BCO1: variants seen among roughly 807,000 people sequenced by gnomAD.
BCO1 encodes the protein beta-carotene oxygenase 1, also known as beta,beta-carotene 15,15'-dioxygenase.
A neutral mutation model predicts 56.3 loss-of-function variants in BCO1; 54 were observed. That is an observed-to-expected ratio of 0.96 (90% CI 0.77 to 1.20). The LOEUF is 1.20. Ranked by LOEUF, BCO1 falls within the 50% of genes most tolerant of loss-of-function variation. The probability of loss-of-function intolerance (pLI) is 0.00; values close to 1 mark genes in which losing one functional copy is unlikely to be tolerated. For synonymous variants in BCO1, 318 were observed against 266.1 expected (o/e 1.20, Z -1.90); for missense variants, 801 against 690.9 (o/e 1.16, Z -1.79).
chr16:81,279,504 A>AG (rs1907744758), intron 7 of BCO1, among the ~76,000 whole-genome samples: 2 of 152,228 alleles, frequency 1.3e-5, no homozygotes, highest in South Asian at 4.1e-4. Flanking sequence ...CAATAGAAGC[A>AG]GCTGACATTC....
chr16:81,265,006 T>C (rs537012851), intron 5 of BCO1, among the ~76,000 whole-genome samples: 8 of 152,308 alleles, frequency 5.3e-5, no homozygotes, highest in Admixed American at 2.0e-4. Context: ...AATTTCCTTT[T>C]ATTTAGGCTC....
At chr16:81,247,772 C>T (rs1212352257) in intron 2 of BCO1, among the ~76,000 whole-genome samples, 4 of 152,160 alleles carry the variant, frequency 2.6e-5, no homozygotes, top group Admixed American at 6.5e-5. Flanking sequence ...GTGATCTGCC[C>T]ACCTCGGCCT....
Position 81,290,595 on chromosome 16 carries a change from T to G in BCO1, c.*18T>G, listed in dbSNP as rs201532313. 146 of 1,598,640 alleles carry G rather than the reference T, an allele frequency of 9.1e-5. No individual in the cohort carries two copies. Among genetic ancestry groups the G allele is most frequent in the Non-Finnish European group, 1.1e-4 (128 of 1,169,486 alleles). Reference sequence around the variant, plus strand: ...TGACCTGATGGTGTTGGGGTTTGGGTAGGGGAGGGGAGCTCGGCTGTCAGA... The same window carrying G: ...TGACCTGATGGTGTTGGGGTTTGGGGAGGGGAGGGGAGCTCGGCTGTCAGA... On this transcript the variant is annotated 3_prime_UTR_variant, in exon 11 of 11. Coordinates refer to ENST00000258168, the MANE Select transcript of BCO1 (RefSeq NM_017429.3).
intron 7 of BCO1, among the ~76,000 whole-genome samples, 156 bp from the exon 8 acceptor site, chr16:81,280,701 G>C (rs1907828741): frequency 1.3e-5 from 2 of 152,124 alleles, no homozygotes; most frequent in South Asian, 4.1e-4. Context: ...CTGAGACTAA[G>C]GATAACAACA....
At chr16:81,257,052 T>G (rs975352656) in intron 2 of BCO1, among the ~76,000 whole-genome samples, 10 of 152,110 alleles carry the variant, frequency 6.6e-5, no homozygotes, top group Admixed American at 2.0e-4. Flanking sequence ...CTCCAGGCCT[T>G]TGCTTACAGA....
chr16:81,260,332 T>C (rs1906407123), intron 3 of BCO1, among the ~76,000 whole-genome samples: 1 of 148,088 alleles, frequency 6.8e-6, no homozygotes, highest in Non-Finnish European at 1.5e-5. Flanking sequence ...AAGGAAGGTG[T>C]AGAAAGAGCA....
At chr16:81,273,944 C>T (rs1907395145) in intron 7 of BCO1, among the ~76,000 whole-genome samples, 1 of 152,190 alleles carries the variant, frequency 6.6e-6, no homozygotes, top group African/African-American at 2.4e-5. Flanking sequence ...TGATTTTCTC[C>T]CCTATGTGAC....
Position 81,262,256 on chromosome 16 carries a change from C to T in BCO1, c.444C>T (p.Asn148=). 1 of 1,613,600 alleles carries T rather than the reference C, an allele frequency of 6.2e-7. No individual in the cohort carries two copies. Among genetic ancestry groups the T allele is most frequent in the Non-Finnish European group, 8.5e-7 (1 of 1,179,622 alleles). The change falls in exon 4 of 11, where the codon AAC becomes AAT. Residue 148 remains asparagine (N), a synonymous_variant. Transcript: ENST00000258168. ...AGACCAATTACATCAGGAAAATCAA[C>T]CCACAGACTCTGGAAACCCTGGAGA... ...TSETNYIRKI[N]PQTLETLEKV... is the part of the protein sequence containing the mutation.
At chr16:81,261,430 C>T (rs1906474680) in intron 3 of BCO1, among the ~76,000 whole-genome samples, 1 of 152,062 alleles carries the variant, frequency 6.6e-6, no homozygotes, top group African/African-American at 2.4e-5. Context: ...TCGAGATAAC[C>T]AGTGTGGACT....
chr16:81,262,085 C>T (rs760677900), intron 3 of BCO1, 51 bp from the exon 4 acceptor site: 16 of 1,601,750 alleles, frequency 1.0e-5, no homozygotes, highest in Non-Finnish European at 1.4e-5. Context: ...ATAGACTTCT[C>T]TGGCTGGGTG....
rs1297826513 is a variant in BCO1 at position 81,270,682 on chromosome 16, C to CTTTCTGTG, written c.1101+267_1101+268insTTCTGTGT. Reference sequence around the variant, plus strand: ...TATATATGTTTGTCTCCCAGTCTCTCTCTCTGTGTCTGTGTGTGTGTGTGT... The same window carrying CTTTCTGTG: ...TATATATGTTTGTCTCCCAGTCTCTCTTTCTGTGTCTCTGTGTCTGTGTGTGTGTGTGT... On this transcript the variant is annotated intron_variant, in intron 7 of 10. Coordinates refer to ENST00000258168, the MANE Select transcript of BCO1 (RefSeq NM_017429.3). Among the ~76,000 whole-genome samples the CTTTCTGTG allele has an allele frequency of 6.7e-3, 542 of 80,910 alleles. 12 individuals carry two copies. In the South Asian group the frequency reaches 0.12, roughly 19 times the overall value. The allele number at this position is 80,910 out of a possible 152,430, so 53.1% of individuals were successfully genotyped here.
At chr16:81,257,811 C>G (rs1354922418) in intron 2 of BCO1, among the ~76,000 whole-genome samples, 5 of 150,134 alleles carry the variant, frequency 3.3e-5, no homozygotes, top group Non-Finnish European at 7.4e-5. Flanking sequence ...ACCAGAGAGG[C>G]TGAGCTTGCA....
chr16:81,277,372 C>T (rs1907620981), intron 7 of BCO1, among the ~76,000 whole-genome samples: 1 of 152,104 alleles, frequency 6.6e-6, no homozygotes, highest in African/African-American at 2.4e-5. Context: ...AGTAACTTGC[C>T]CAACTTTTTA....
At chr16:81,240,263 C>G (rs1443052003) in intron 1 of BCO1, among the ~76,000 whole-genome samples, 1 of 152,030 alleles carries the variant, frequency 6.6e-6, no homozygotes, top group Non-Finnish European at 1.5e-5. Flanking sequence ...ATATTTGGGT[C>G]TATTTCCTTT....
chr16:81,271,824 A>G (rs1027439629), intron 7 of BCO1, among the ~76,000 whole-genome samples: 1 of 151,986 alleles, frequency 6.6e-6, no homozygotes, highest in African/African-American at 2.4e-5. Flanking sequence ...ATCTCGGCTC[A>G]TTGCAACCTC....
At chr16:81,262,097 A>C in intron 3 of BCO1, 39 bp from the exon 4 acceptor site, 3 of 1,609,864 alleles carry the variant, frequency 1.9e-6, no homozygotes, top group Non-Finnish European at 8.5e-7. Flanking sequence ...GGCTGGGTGG[A>C]CATAGCCACT....
At chr16:81,255,524 G>A (rs979058824) in intron 2 of BCO1, among the ~76,000 whole-genome samples, 7 of 151,104 alleles carry the variant, frequency 4.6e-5, no homozygotes, top group African/African-American at 1.7e-4. Flanking sequence ...TTTTGAGATG[G>A]AGTCTCGCTC....
At chr16:81,275,477 C>T (rs1021310124) in intron 7 of BCO1, among the ~76,000 whole-genome samples, 2 of 152,216 alleles carry the variant, frequency 1.3e-5, no homozygotes, top group African/African-American at 2.4e-5. Flanking sequence ...CCTCTAATGG[C>T]GCCTTGTAAC....
chr16:81,283,251 C>G (rs1907982701), intron 8 of BCO1, among the ~76,000 whole-genome samples: 1 of 151,954 alleles, frequency 6.6e-6, no homozygotes, highest in African/African-American at 2.4e-5. Flanking sequence ...ACCTATAATC[C>G]CAGCACTTTG....
Sources: allele counts gnomAD v4.1 joint callset (sites outside exome capture counted in the v4.1 genomes callset), GRCh38; gene constraint gnomAD v4.1.1; transcripts MANE v1.5; gene names NCBI Gene and HGNC (gene_info 2026-07-23, HGNC 2026-07-21).